The following TMPRSS15 variants were observed in gnomAD, a reference collection of about 807,000 sequenced individuals.
TMPRSS15 encodes the protein enteropeptidase.
A neutral mutation model predicts 125.3 loss-of-function variants in TMPRSS15; 128 were observed. The ratio of observed to expected loss-of-function variants is 1.02; its 90% CI spans 0.89 to 1.18. The LOEUF is 1.18. TMPRSS15 is among the 50% of genes most tolerant of loss of function. The pLI is 0.00. For synonymous variants in TMPRSS15, 446 were observed against 423.2 expected, an observed-to-expected ratio of 1.05 and a Z score of -0.66; for missense variants, 1,283 against 1,212.7, an observed-to-expected ratio of 1.06 and a Z score of -0.86.
chr21:18,349,301 A>G (rs1044333749), intron 10 of TMPRSS15, among the ~76,000 whole-genome samples: 1 of 152,110 alleles, frequency 6.6e-6, no homozygotes, highest in Non-Finnish European at 1.5e-5. Flanking sequence ...TTCTTGACCA[A>G]TTCCTTTTGC....
chr21:18,407,448 C>CTTTTTTTTTTTTTTTTTTT (rs201740388), upstream of TMPRSS15, among the ~76,000 whole-genome samples: 16 of 133,178 alleles, frequency 1.2e-4, no homozygotes, highest in Non-Finnish European at 1.8e-4. Context: ...TTTTTCTTTT[C>CTTTTTTTTTTTTTTTTTTT]TTTTTTTTTT....
chr21:18,317,268 C>T (rs867997505), intron 16 of TMPRSS15, among the ~76,000 whole-genome samples: 26 of 151,930 alleles, frequency 1.7e-4, no homozygotes, highest in Middle Eastern at 6.8e-3. Context: ...TGAAAAATAC[C>T]ATTACACTTC....
At chr21:18,435,277 T>C (rs183288327) in intron 1 of TMPRSS15, among the ~76,000 whole-genome samples, 1,630 of 152,274 alleles carry the variant, frequency 0.011, 35 homozygotes, top group African/African-American at 0.036. Context: ...TTTTCATAGA[T>C]AGCTCTTATT....
intron 1 of TMPRSS15, among the ~76,000 whole-genome samples, chr21:18,412,813 C>T (rs1181218385): frequency 6.6e-6 from 1 of 152,112 alleles, no homozygotes; most frequent in Non-Finnish European, 1.5e-5. Context: ...ATTATTAAGT[C>T]ATTTTTTTAC....
chr21:18,341,740 C>T (rs551776627), intron 12 of TMPRSS15, among the ~76,000 whole-genome samples, 192 bp from the exon 13 acceptor site: 2 of 152,254 alleles, frequency 1.3e-5, no homozygotes, highest in East Asian at 1.9e-4. Context: ...CTGAACCCAA[C>T]CCCCTTATTA....
At chr21:18,297,599 A>C (rs2074920823) in intron 19 of TMPRSS15, 135 bp downstream of exon 19, 1 of 687,120 alleles carries the variant, frequency 1.5e-6, no homozygotes. Context: ...AGATTACTTA[A>C]ATAATAATAT....
At position 18,380,167 on chromosome 21, in the gene TMPRSS15, TCACACACA is replaced by T. The variant is rs34787707; in HGVS notation, c.497-857_497-850del. On this transcript the variant is annotated intron_variant, in intron 4 of 24. Coordinates refer to ENST00000284885, the MANE Select transcript of TMPRSS15 (RefSeq NM_002772.3). ...TGATTTGGAGCCGTTTATGGAGATG[TCACACACA>T]CACACACACACACACACACACACAC... 3.2e-4 allele frequency among the ~76,000 whole-genome samples: 44 copies of T among 139,512 alleles called. 1 individual carries two copies. Among genetic ancestry groups the T allele is most frequent in the South Asian group, 1.5e-3 (6 of 4,126 alleles). 91.5% of individuals were successfully genotyped at this position (139,512 alleles called of 152,430 possible). A position where few individuals can be genotyped will look rare whatever the true frequency, so the allele number is the denominator to read the frequency against.
intron 3 of TMPRSS15, among the ~76,000 whole-genome samples, chr21:18,387,810 C>T (rs1442030265): frequency 2.0e-5 from 3 of 151,966 alleles, no homozygotes; most frequent in Non-Finnish European, 4.4e-5. Context: ...AAATCTATAA[C>T]AAAAATGTAA....
Position 18,297,805 on chromosome 21 carries a change from G to T in TMPRSS15, c.2190C>A (p.Ile730=). 6.2e-7 allele frequency: 1 copy of T among 1,613,402 alleles called. No individual in the cohort carries two copies. Among genetic ancestry groups the T allele is most frequent in the Non-Finnish European group, 8.5e-7 (1 of 1,179,468 alleles). Residue 730 remains isoleucine, a synonymous_variant, in exon 19 of 25, where the codon ATC becomes ATA. Coordinates refer to ENST00000284885, the MANE Select transcript of TMPRSS15 (RefSeq NM_002772.3). The part of the protein sequence containing the change: ...GLGSGNSSKP[I]FPTDGGPFVK... ...CAAATGGTCCACCATCGGTAGGGAAGATTGGCTTTGATGAGTTTCCACTCC... is the reference window on the plus strand; with the variant it reads ...CAAATGGTCCACCATCGGTAGGGAATATTGGCTTTGATGAGTTTCCACTCC...
At chr21:18,339,606 C>G (rs1288590624) in intron 13 of TMPRSS15, among the ~76,000 whole-genome samples, 1 of 151,938 alleles carries the variant, frequency 6.6e-6, no homozygotes, top group Non-Finnish European at 1.5e-5. Flanking sequence ...CCATGCAGAA[C>G]AAAACACACA....
chr21:18,443,445 G>A (rs79086111), intron 1 of TMPRSS15, among the ~76,000 whole-genome samples: 5,530 of 152,210 alleles, frequency 0.036, 263 homozygotes, highest in African/African-American at 0.11. Context: ...CTCTCCACAG[G>A]GACCTGTGTA....
intron 10 of TMPRSS15, 131 bp downstream of exon 10, chr21:18,352,772 G>A (rs2075583328): frequency 2.2e-6 from 2 of 905,070 alleles, no homozygotes; most frequent in Non-Finnish European, 3.5e-6. Flanking sequence ...TTAATTAATT[G>A]AATTTTTAAA....
At chr21:18,371,089 A>T (rs528021012) in intron 6 of TMPRSS15, among the ~76,000 whole-genome samples, 1 of 152,222 alleles carries the variant, frequency 6.6e-6, no homozygotes, top group South Asian at 2.1e-4. Context: ...TCCACAGGGG[A>T]TATTTTCTAA....
intron 18 of TMPRSS15, among the ~76,000 whole-genome samples, chr21:18,303,255 G>A (rs1375394167): frequency 6.6e-6 from 1 of 151,860 alleles, no homozygotes; most frequent in Non-Finnish European, 1.5e-5. Context: ...TACTGCATAT[G>A]TTCTTTGTTA....
At chr21:18,371,270 A>T (rs950485305) in intron 6 of TMPRSS15, among the ~76,000 whole-genome samples, 4 of 152,190 alleles carry the variant, frequency 2.6e-5, no homozygotes, top group African/African-American at 9.6e-5. Context: ...TACATTGTTT[A>T]TTTCTGGAAT....
chr21:18,315,270 A>T lies in TMPRSS15; in HGVS notation c.1922-14T>A. 1 of 1,593,074 alleles carries T rather than the reference A, an allele frequency of 6.3e-7. No individual in the cohort carries two copies. The highest frequency in any genetic ancestry group is 2.2e-5 in the East Asian group (1 of 44,754). On this transcript the variant is annotated splice_polypyrimidine_tract_variant and intron_variant, in intron 16 of 24. Transcript: ENST00000284885. The stretch of plus-strand genomic sequence containing the variant: ...CCTTGCATGGCTCTATGGGGAAAGA[A>T]TGTTTATTGTATAGGATAAAGAAAA...
At chr21:18,328,481 G>A (rs910040036) in intron 15 of TMPRSS15, among the ~76,000 whole-genome samples, 1 of 152,158 alleles carries the variant, frequency 6.6e-6, no homozygotes, top group Non-Finnish European at 1.5e-5. Flanking sequence ...TACATAATGG[G>A]TGTCCTTAGC....
At chr21:18,277,536 T>C (rs2146861216) in intron 23 of TMPRSS15, among the ~76,000 whole-genome samples, 1 of 152,320 alleles carries the variant, frequency 6.6e-6, no homozygotes, top group Admixed American at 6.5e-5. Context: ...TATACAGTCT[T>C]TGACTTCAAT....
At position 18,341,448 on chromosome 21, in the gene TMPRSS15, G is replaced by T. The variant is rs202066879; in HGVS notation, c.1529C>A (p.Pro510Gln). 2 of 1,613,998 alleles carry T rather than the reference G, an allele frequency of 1.2e-6. No individual in the cohort carries two copies. Among genetic ancestry groups the T allele is most frequent in the South Asian group, 1.1e-5 (1 of 91,084 alleles). Residue 510 changes from proline to glutamine, a missense_variant, in exon 13 of 25, where the codon CCA becomes CAA. Pro to Gln is a moderately conservative substitution (Grantham distance 76). Transcript: ENST00000284885. ...GICNGSLYPE[P>Q]TLVPTPPPEL... ...TGGTGGAGGAGTTGGCACCAAAGTT[G>T]GTTCTGGATAAAGACTCCCATTGCA... is the stretch of plus-strand genomic sequence containing the variant.
Sources: allele counts gnomAD v4.1 joint callset (sites outside exome capture counted in the v4.1 genomes callset), GRCh38; gene constraint gnomAD v4.1.1; transcripts MANE v1.5; gene names NCBI Gene and HGNC (gene_info 2026-07-23, HGNC 2026-07-21).